MIPOL1: variants seen among roughly 807,000 people sequenced by gnomAD.
MIPOL1 encodes mirror-image polydactyly 1, also known as mirror-image polydactyly gene 1 protein.
A neutral mutation model predicts 60.9 loss-of-function variants in MIPOL1; 57 were observed. That is an observed-to-expected ratio of 0.94 (90% CI 0.76 to 1.17). The LOEUF (loss-of-function observed/expected upper bound fraction) is 1.17. Ranked by LOEUF, MIPOL1 falls within the 50% of genes most tolerant of loss-of-function variation. The pLI is 0.00. For synonymous variants in MIPOL1, 179 were observed against 168.8 expected (o/e 1.06, Z -0.47); for missense variants, 551 against 511.6 (o/e 1.08, Z -0.74).
intron 11 of MIPOL1, among the ~76,000 whole-genome samples, chr14:37,442,209 G>T (rs2094259940): frequency 6.6e-6 from 1 of 151,448 alleles, no homozygotes; most frequent in African/African-American, 2.4e-5. Flanking sequence ...ACTGATTGTT[G>T]TATATTGATT....
chr14:37,398,618 C>T (rs1267333774), intron 10 of MIPOL1, among the ~76,000 whole-genome samples: 2 of 152,142 alleles, frequency 1.3e-5, no homozygotes, highest in Non-Finnish European at 2.9e-5. Flanking sequence ...AAAGAAAAAA[C>T]ATTAAACAGT....
At chr14:37,529,180 A>C (rs755568056) in intron 12 of MIPOL1, among the ~76,000 whole-genome samples, 2 of 152,202 alleles carry the variant, frequency 1.3e-5, no homozygotes, top group Non-Finnish European at 2.9e-5. Context: ...GGAATTTAAA[A>C]CATTTTATCA....
intron 9 of MIPOL1, among the ~76,000 whole-genome samples, chr14:37,312,548 G>A (rs1002206745): frequency 1.3e-5 from 2 of 152,042 alleles, no homozygotes; most frequent in African/African-American, 4.8e-5. Flanking sequence ...TGATACACTT[G>A]ATATCTTACT....
chr14:37,388,354 G>A (rs1232342182), intron 10 of MIPOL1, among the ~76,000 whole-genome samples: 2 of 151,926 alleles, frequency 1.3e-5, no homozygotes, highest in Non-Finnish European at 2.9e-5. Flanking sequence ...GTATTGGATA[G>A]TATTTGCTTG....
At chr14:37,260,668 A>C (rs544451906) in intron 3 of MIPOL1, among the ~76,000 whole-genome samples, 17 of 152,276 alleles carry the variant, frequency 1.1e-4, no homozygotes, top group Middle Eastern at 3.4e-3. Flanking sequence ...AGAGGTTATT[A>C]ATTATGTAGA....
rs1301638097 is a variant in MIPOL1, at chr14:37,259,386, G to A, written c.20-7552G>A. ...CGAGACCAGCCTGGGCAACATAGGGGAGACCTTGTCTCTACAAATAATAAA... is the reference window on the plus strand; with the variant it reads ...CGAGACCAGCCTGGGCAACATAGGGAAGACCTTGTCTCTACAAATAATAAA... On this transcript the variant is annotated intron_variant, in intron 3 of 12. Transcript: ENST00000684589. Among the ~76,000 whole-genome samples, 5 of 151,832 alleles carry A rather than the reference G, an allele frequency of 3.3e-5. No homozygotes were observed. The South Asian group carries it at 1.0e-3, about 31-fold the overall frequency.
chr14:37,282,270 A>ATTT lies in MIPOL1; in HGVS notation c.494-3047_494-3045dup, dbSNP rs1385386214. Among the ~76,000 whole-genome samples, 4 of 130,832 alleles carry ATTT rather than the reference A, an allele frequency of 3.1e-5. No homozygotes were observed. The East Asian group carries it at 8.6e-4, about 28-fold the overall frequency. The allele number at this position is 130,832 out of a possible 152,430, so 85.8% of individuals were successfully genotyped here. A position where few individuals can be genotyped will look rare whatever the true frequency, so the allele number is the denominator to read the frequency against. ...TATTATTATTATTATTATTATTATT[A>ATTT]TTTAAGATGGAGTTTCGCTCTCGTG... On this transcript the variant is annotated intron_variant, in intron 6 of 12. Transcript: ENST00000684589.
intron 11 of MIPOL1, among the ~76,000 whole-genome samples, chr14:37,464,918 G>C (rs920966310): frequency 6.6e-6 from 1 of 152,038 alleles, no homozygotes; most frequent in African/African-American, 2.4e-5. Context: ...TTGGTTACCT[G>C]TGCAGCCTGA....
intron 1 of MIPOL1, among the ~76,000 whole-genome samples, chr14:37,228,977 GA>G (rs1289595704): frequency 2.6e-5 from 4 of 152,070 alleles, no homozygotes; most frequent in Non-Finnish European, 5.9e-5. Flanking sequence ...GACCAATAAA[GA>G]AAAGTTAATA....
intron 12 of MIPOL1, among the ~76,000 whole-genome samples, chr14:37,534,078 CAA>C (rs564604002): frequency 2.9e-4 from 20 of 69,400 alleles, no homozygotes; most frequent in Middle Eastern, 7.9e-3. Flanking sequence ...GACTCCATCT[CAA>C]AAAAAAAAAA....
chr14:37,247,911 A>G lies in MIPOL1; in HGVS notation c.19+4A>G, dbSNP rs760162686. ...CAAATGGAGAACTGGTCAAAAGGTA[A>G]GGACTTTTAAGGTATTAATACCAAG... On this transcript the variant is annotated splice_donor_region_variant and intron_variant, in intron 3 of 12. Coordinates refer to ENST00000684589, the MANE Select transcript of MIPOL1 (RefSeq NM_001388067.1). 1.1e-5 allele frequency: 18 copies of G among 1,613,028 alleles called. No individual in the cohort carries two copies. The highest frequency in any genetic ancestry group is 6.8e-6 in the Non-Finnish European group (8 of 1,179,398).
chr14:37,465,644 C>G (rs948510706), intron 11 of MIPOL1, among the ~76,000 whole-genome samples: 1 of 152,026 alleles, frequency 6.6e-6, no homozygotes, highest in Non-Finnish European at 1.5e-5. Context: ...GTAGTATTTT[C>G]AGTCACCAGA....
chr14:37,402,599 C>G (rs147527873), intron 10 of MIPOL1, among the ~76,000 whole-genome samples: 2 of 152,246 alleles, frequency 1.3e-5, no homozygotes, highest in African/African-American at 4.8e-5. Flanking sequence ...AGATATCTTA[C>G]GTGCAGCCTA....
intron 1 of MIPOL1, among the ~76,000 whole-genome samples, chr14:37,202,854 T>G (rs1965542993): frequency 6.6e-6 from 1 of 152,322 alleles, no homozygotes; most frequent in African/African-American, 2.4e-5. Flanking sequence ...GATACTTTAT[T>G]TAGGTTACAT....
At chr14:37,445,738 G>A (rs1374055467) in intron 11 of MIPOL1, among the ~76,000 whole-genome samples, 1 of 151,686 alleles carries the variant, frequency 6.6e-6, no homozygotes, top group East Asian at 1.9e-4. Flanking sequence ...TAGATCAATG[G>A]AACAGAACAG....
intron 11 of MIPOL1, among the ~76,000 whole-genome samples, chr14:37,495,574 A>G (rs2095112645): frequency 6.8e-6 from 1 of 148,080 alleles, no homozygotes. Flanking sequence ...TATTGTGAAT[A>G]GTGCCACAAT....
chr14:37,232,026 G>A (rs1187039514), intron 1 of MIPOL1, among the ~76,000 whole-genome samples: 1 of 152,056 alleles, frequency 6.6e-6, no homozygotes, highest in Non-Finnish European at 1.5e-5. Flanking sequence ...AGGCTGCAGT[G>A]AGCTATGACC....
At chr14:37,415,425 A>G (rs956400191) in intron 10 of MIPOL1, among the ~76,000 whole-genome samples, 1 of 151,920 alleles carries the variant, frequency 6.6e-6, no homozygotes, top group African/African-American at 2.4e-5. Context: ...GATCGAGACC[A>G]TCCTGGCTAA....
intron 9 of MIPOL1, among the ~76,000 whole-genome samples, chr14:37,331,805 T>C (rs1440007043): frequency 1.3e-5 from 2 of 152,158 alleles, no homozygotes; most frequent in African/African-American, 2.4e-5. Flanking sequence ...CAGTAATATG[T>C]TGAATAAAAG....
Sources: allele counts gnomAD v4.1 joint callset (sites outside exome capture counted in the v4.1 genomes callset), GRCh38; gene constraint gnomAD v4.1.1; transcripts MANE v1.5; gene names NCBI Gene and HGNC (gene_info 2026-07-23, HGNC 2026-07-21).